PUM2: variants seen among roughly 807,000 people sequenced by gnomAD.
PUM2 encodes the protein pumilio RNA binding family member 2, also known as pumilio homolog 2.
PUM2 carries 57 observed loss-of-function variants against 124.5 expected under a neutral mutation model. That is an observed-to-expected ratio of 0.46 (90% CI 0.37 to 0.57). PUM2 has a LOEUF of 0.57. Ranked by LOEUF, PUM2 falls within the 20% of genes least tolerant of loss-of-function variation. The probability of loss-of-function intolerance (pLI) is 0.00; values close to 1 mark genes in which losing one functional copy is unlikely to be tolerated. For missense variants in PUM2, 1,065 were observed against 1,290.6 expected, an observed-to-expected ratio of 0.83 and a Z score of 2.68; for synonymous variants, 460 against 446.1, an observed-to-expected ratio of 1.03 and a Z score of -0.39.
chr2:20,255,061 T>C, intron 18 of PUM2, 77 bp from the exon 19 acceptor site: 1 of 1,529,232 alleles, frequency 6.5e-7, no homozygotes, highest in Non-Finnish European at 8.9e-7. Flanking sequence ...TGTTAATCAT[T>C]TCATCTAAAA....
chr2:20,350,881 G>C (rs1401797568), upstream of PUM2: 1 of 725,534 alleles, frequency 1.4e-6, no homozygotes, highest in Non-Finnish European at 1.7e-6. Context: ...TGCACCCCGG[G>C]AGAAAGGGGA....
intron 2 of PUM2, among the ~76,000 whole-genome samples, chr2:20,325,258 A>T (rs1683389842): frequency 6.6e-6 from 1 of 152,240 alleles, no homozygotes; most frequent in Non-Finnish European, 1.5e-5. Flanking sequence ...TAATGAGAGC[A>T]TCTTAAAATA....
intron 1 of PUM2, among the ~76,000 whole-genome samples, chr2:20,332,273 T>C (rs542513826): frequency 1.0e-4 from 14 of 137,828 alleles, no homozygotes; most frequent in African/African-American, 3.9e-4. Flanking sequence ...TTTTCACTTA[T>C]ACTACTAGAG....
chr2:20,273,883 T>TA (rs879493269), intron 13 of PUM2, among the ~76,000 whole-genome samples: 38 of 152,156 alleles, frequency 2.5e-4, no homozygotes, highest in Non-Finnish European at 4.9e-4. Context: ...GAAAGGAACC[T>TA]AAAAAGCTGG....
At chr2:20,330,373 G>T (rs1032597841) in intron 1 of PUM2, among the ~76,000 whole-genome samples, 6 of 152,202 alleles carry the variant, frequency 3.9e-5, no homozygotes, top group African/African-American at 1.4e-4. Flanking sequence ...TGACTGACTG[G>T]GGGCTGGTTG....
At position 20,260,373 on chromosome 2, in the gene PUM2, A is replaced by G. The variant is rs1461755716; in HGVS notation, c.2319T>C (p.Asp773=). The change falls in exon 15 of 21, where the codon GAT becomes GAC. Residue 773 remains aspartate, a synonymous_variant. Transcript: ENST00000361078. ...TCTGTATAACATAGTTGCCAAAAAC[A>G]TCAGTCATTAATTGATAGGCTGCTT... ...ILQAAYQLMT[D]VFGNYVIQKF... The G allele has an allele frequency of 6.2e-7, 1 of 1,612,660 alleles. No homozygotes were observed. Among genetic ancestry groups the G allele is most frequent in the East Asian group, 2.2e-5 (1 of 44,786 alleles).
intron 10 of PUM2, among the ~76,000 whole-genome samples, chr2:20,283,722 T>C (rs1374168286): frequency 6.6e-6 from 1 of 151,780 alleles, no homozygotes; most frequent in East Asian, 1.9e-4. Context: ...GGCCACAAAA[T>C]GAAGAGGTAT....
At chr2:20,345,698 C>G (rs535069512) in intron 1 of PUM2, among the ~76,000 whole-genome samples, 1 of 152,170 alleles carries the variant, frequency 6.6e-6, no homozygotes, top group African/African-American at 2.4e-5. Flanking sequence ...ACAGTGAAAC[C>G]CCATCTCTTC....
intron 1 of PUM2, among the ~76,000 whole-genome samples, chr2:20,335,616 A>AT (rs1357716142): frequency 6.6e-6 from 1 of 152,212 alleles, no homozygotes; most frequent in East Asian, 1.9e-4. Flanking sequence ...AAATACTTTC[A>AT]TGGGGGAGTT....
intron 2 of PUM2, among the ~76,000 whole-genome samples, chr2:20,320,476 A>G (rs1234975189): frequency 6.6e-6 from 1 of 152,210 alleles, no homozygotes; most frequent in Non-Finnish European, 1.5e-5. Flanking sequence ...TTTAAAGGGA[A>G]GAGAAGAAAT....
rs1558517148 is a variant in PUM2 at position 20,272,191 on chromosome 2, A to AATG, written c.1957+6391_1957+6392insCAT. On this transcript the variant is annotated intron_variant, in intron 13 of 20. Coordinates refer to ENST00000361078, the MANE Select transcript of PUM2 (RefSeq NM_015317.5). The stretch of plus-strand genomic sequence containing the variant: ...TGAATGAATGAATGAATGAATGAAT[A>AATG]AATAAATAAATAAATAGAAAAGCAT... 7.7e-3 allele frequency among the ~76,000 whole-genome samples: 730 copies of AATG among 94,998 alleles called. 3 individuals are homozygous for AATG. Among genetic ancestry groups the AATG allele is most frequent in the South Asian group, 0.023 (68 of 2,982 alleles). 62.3% of individuals were successfully genotyped at this position (94,998 alleles called of 152,430 possible). A position where few individuals can be genotyped will look rare whatever the true frequency, so the allele number is the denominator to read the frequency against.
intron 14 of PUM2, among the ~76,000 whole-genome samples, chr2:20,262,905 A>G (rs1206427282): frequency 6.6e-6 from 1 of 152,238 alleles, no homozygotes; most frequent in Non-Finnish European, 1.5e-5. Flanking sequence ...TTAAGCCCAC[A>G]AATGTAATAC....
intron 7 of PUM2, among the ~76,000 whole-genome samples, chr2:20,306,406 T>C (rs1178472567): frequency 2.0e-5 from 3 of 152,112 alleles, no homozygotes; most frequent in Non-Finnish European, 4.4e-5. Flanking sequence ...ATAGATGTAT[T>C]AGCCTGCCTA....
chr2:20,300,624 G>C (rs1406460653), intron 7 of PUM2, among the ~76,000 whole-genome samples: 7 of 152,058 alleles, frequency 4.6e-5, no homozygotes, highest in Non-Finnish European at 8.8e-5. Context: ...TTTTAGCTAT[G>C]CCCTAGGTCA....
intron 3 of PUM2, among the ~76,000 whole-genome samples, chr2:20,314,502 T>A (rs1185097386): frequency 6.6e-6 from 1 of 152,212 alleles, no homozygotes; most frequent in African/African-American, 2.4e-5. Context: ...TCAAATAGTT[T>A]TTGCTGGAAA....
intron 10 of PUM2, among the ~76,000 whole-genome samples, chr2:20,290,343 CTG>C (rs1445398329): frequency 5.9e-5 from 9 of 152,264 alleles, no homozygotes; most frequent in Admixed American, 6.5e-5. Flanking sequence ...CTCTCAATAA[CTG>C]TTTTACTTCT....
chr2:20,348,917 C>G (rs1207663568), intron 1 of PUM2, among the ~76,000 whole-genome samples: 1 of 152,218 alleles, frequency 6.6e-6, no homozygotes, highest in Non-Finnish European at 1.5e-5. Context: ...GCGACAGAAC[C>G]AGACCCTGTC....
At chr2:20,330,360 AGCTGACTGACTGGGGGCTGGTT>A (rs1684649602) in intron 1 of PUM2, among the ~76,000 whole-genome samples, 1 of 152,210 alleles carries the variant, frequency 6.6e-6, no homozygotes, top group Non-Finnish European at 1.5e-5. Flanking sequence ...CATGCTAATG[AGCTGACTGACTGGGGGCTGGTT>A]GCCAGGGGAA....
intron 13 of PUM2, among the ~76,000 whole-genome samples, chr2:20,276,023 C>A (rs1670163028): frequency 6.6e-6 from 1 of 151,740 alleles, no homozygotes; most frequent in Non-Finnish European, 1.5e-5. Context: ...TGAAATAGAA[C>A]CTCAGATATT....
Sources: allele counts gnomAD v4.1 joint callset (sites outside exome capture counted in the v4.1 genomes callset), GRCh38; gene constraint gnomAD v4.1.1; transcripts MANE v1.5; gene names NCBI Gene and HGNC (gene_info 2026-07-23, HGNC 2026-07-21).